ARB2A: variants seen among roughly 807,000 people sequenced by gnomAD.
ARB2A encodes the protein ARB2 cotranscriptional regulator A, also known as cotranscriptional regulator ARB2A.
the ARB2A span, among the ~76,000 whole-genome samples, chr5:94,047,143 G>A: frequency 6.6e-6 from 1 of 152,168 alleles, no homozygotes; most frequent in Non-Finnish European, 1.5e-5. Flanking sequence ...AAGAAAAAAT[G>A]TTGGTACTTA....
At chr5:93,879,797 T>C in the ARB2A span, among the ~76,000 whole-genome samples, 1 of 151,874 alleles carries the variant, frequency 6.6e-6, no homozygotes, top group Non-Finnish European at 1.5e-5. Context: ...AAAAAAATTG[T>C]TTAAGAAGAA....
the ARB2A span, among the ~76,000 whole-genome samples, chr5:93,866,996 AT>A: frequency 6.6e-5 from 10 of 152,194 alleles, no homozygotes; most frequent in Non-Finnish European, 1.0e-4. Context: ...TGAAAAAAAA[AT>A]GCCTCATTGC....
the ARB2A span, among the ~76,000 whole-genome samples, chr5:94,066,422 GCACACA>G: frequency 8.6e-3 from 1,145 of 132,498 alleles, 10 homozygotes; most frequent in Middle Eastern, 0.023. Context: ...GCCAGACTAA[GCACACA>G]CACACACACA....
the ARB2A span, among the ~76,000 whole-genome samples, chr5:93,902,910 T>G: frequency 6.6e-6 from 1 of 152,112 alleles, no homozygotes; most frequent in South Asian, 2.1e-4. Flanking sequence ...ACATGGGGTC[T>G]TCAAAAGGAC....
At chr5:93,799,965 A>G in the ARB2A span, among the ~76,000 whole-genome samples, 11 of 152,124 alleles carry the variant, frequency 7.2e-5, no homozygotes, top group Non-Finnish European at 1.5e-4. Flanking sequence ...AAAACTAGTC[A>G]CTAAAAATAT....
chr5:93,900,814 T>C, the ARB2A span, among the ~76,000 whole-genome samples: 1 of 152,016 alleles, frequency 6.6e-6, no homozygotes, highest in East Asian at 1.9e-4. Flanking sequence ...AGCAATAGTA[T>C]ATAAAATTAA....
chr5:94,015,454 T>C, the ARB2A span, among the ~76,000 whole-genome samples: 3 of 152,112 alleles, frequency 2.0e-5, no homozygotes, highest in South Asian at 6.2e-4. Flanking sequence ...AGAAAACATT[T>C]GAAGGTATAA....
the ARB2A span, among the ~76,000 whole-genome samples, chr5:93,684,084 G>A: frequency 6.6e-6 from 1 of 152,134 alleles, no homozygotes; most frequent in Admixed American, 6.5e-5. Context: ...CAATGACCGT[G>A]TCAAACTCTT....
the ARB2A span, among the ~76,000 whole-genome samples, chr5:93,711,291 TA>T: frequency 6.6e-6 from 1 of 151,512 alleles, no homozygotes; most frequent in East Asian, 1.9e-4. Flanking sequence ...TTGAATTTTT[TA>T]AAAAAAATTT....
At chr5:93,994,912 A>G in the ARB2A span, among the ~76,000 whole-genome samples, 5 of 150,736 alleles carry the variant, frequency 3.3e-5, no homozygotes, top group Non-Finnish European at 7.4e-5. Flanking sequence ...TCTCTAAATA[A>G]ATAAATAAAT....
chr5:93,902,623 A>G, the ARB2A span, among the ~76,000 whole-genome samples: 1 of 152,180 alleles, frequency 6.6e-6, no homozygotes, highest in Non-Finnish European at 1.5e-5. Flanking sequence ...GTCTGTTGAG[A>G]GAAAGTTGGG....
chr5:93,741,390 A>G, the ARB2A span: 1 of 1,613,054 alleles, frequency 6.2e-7, no homozygotes, highest in Non-Finnish European at 8.5e-7. Context: ...TCCACACGTC[A>G]GGGCCTGGGC....
the ARB2A span, among the ~76,000 whole-genome samples, chr5:93,646,810 GTAT>G: frequency 1.7e-4 from 26 of 151,880 alleles, no homozygotes; most frequent in South Asian, 5.0e-3. Flanking sequence ...AAACCCAGAA[GTAT>G]TATTAAGTTT....
At chr5:94,078,919 A>G in the ARB2A span, among the ~76,000 whole-genome samples, 1 of 152,152 alleles carries the variant, frequency 6.6e-6, no homozygotes, top group Admixed American at 6.6e-5. Context: ...TGTATATGAA[A>G]GCATTTTACA....
the ARB2A span, among the ~76,000 whole-genome samples, chr5:93,988,477 T>C: frequency 6.6e-6 from 1 of 152,176 alleles, no homozygotes; most frequent in Non-Finnish European, 1.5e-5. Context: ...GCTCCTCCCA[T>C]TCTTTGCTTA....
chr5:93,623,028 T>C, the ARB2A span, among the ~76,000 whole-genome samples: 1 of 152,218 alleles, frequency 6.6e-6, no homozygotes, highest in Non-Finnish European at 1.5e-5. Flanking sequence ...CAGACATACC[T>C]GCTTTAAATG....
At chr5:93,823,997 T>G in the ARB2A span, 3 of 466,394 alleles carry the variant, frequency 6.4e-6, no homozygotes, top group East Asian at 5.7e-5. Flanking sequence ...ATTAATAAAC[T>G]ATTTTCAAAC....
chr5:93,696,883 G>A, the ARB2A span, among the ~76,000 whole-genome samples: 1 of 151,882 alleles, frequency 6.6e-6, no homozygotes, highest in Non-Finnish European at 1.5e-5. Context: ...CCAACATGGT[G>A]AAACCCTATC....
At chr5:94,009,045 C>T in the ARB2A span, among the ~76,000 whole-genome samples, 1 of 152,006 alleles carries the variant, frequency 6.6e-6, no homozygotes, top group Admixed American at 6.5e-5. Context: ...TGAGAATAAA[C>T]TAATTTGATT....
Sources: gnomAD v4.1 joint callset for allele counts (sites outside exome capture counted in the v4.1 genomes callset) on GRCh38, gnomAD v4.1.1 for gene constraint, MANE v1.5 for transcripts, NCBI Gene and HGNC (gene_info 2026-07-23, HGNC 2026-07-21) for gene names.